Variants in MSH5 observed in about 807,000 individuals in gnomAD.
The protein encoded by MSH5 is mutS homolog 5.
A neutral mutation model predicts 107.7 loss-of-function variants in MSH5; 78 were observed. The observed-to-expected ratio is 0.72, with a 90% CI of 0.60 to 0.87. MSH5 has a LOEUF of 0.87. Ranked by LOEUF, MSH5 falls within the 40% of genes least tolerant of loss-of-function variation. The pLI, the probability that MSH5 is intolerant of heterozygous loss-of-function variation, is 0.00. For missense variants in MSH5, 889 were observed against 1,046.6 expected, an observed-to-expected ratio of 0.85 and a Z score of 2.08; for synonymous variants, 326 against 399.5, an observed-to-expected ratio of 0.82 and a Z score of 2.19.
Position 31,740,166 on chromosome 6 carries a change from CAT to C in MSH5, c.-14+106_-14+107del. On this transcript the variant is annotated intron_variant, in intron 1 of 24. Coordinates refer to ENST00000375750, the MANE Select transcript of MSH5 (RefSeq NM_172166.4). The surrounding 1 kb of genome is among the most constrained non-coding windows in gnomAD (Gnocchi z 4.4). The stretch of plus-strand genomic sequence containing the variant: ...GGCGCGTGGTTGGCAGAGGCAGAGA[CAT>C]AAGACGTGCACGACTCGCCCCACAG... 3.2e-6 allele frequency: 1 copy of C among 316,850 alleles called. No individual in the cohort carries two copies. Among genetic ancestry groups the C allele is most frequent in the African/African-American group, 2.1e-5 (1 of 46,562 alleles). 19.6% of individuals were successfully genotyped at this position (316,850 alleles called of 1,614,324 possible). A position where few individuals can be genotyped will look rare whatever the true frequency, so the allele number is the denominator to read the frequency against.
Position 31,758,245 on chromosome 6 carries a change from A to G in MSH5, c.1095A>G (p.Gln365=). 6.2e-7 allele frequency: 1 copy of G among 1,613,090 alleles called. No individual in the cohort carries two copies. The highest frequency in any genetic ancestry group is 1.1e-5 in the South Asian group (1 of 91,088). ...QSIQLFRDIA[Q]EFSDDLHHIA... is the part of the protein sequence containing the mutation. Reference sequence around the variant, plus strand: ...TCCAGCTCTTTCGGGACATTGCCCAAGAGTTCTCTGATGACCTGCACCATA... The same window carrying G: ...TCCAGCTCTTTCGGGACATTGCCCAGGAGTTCTCTGATGACCTGCACCATA... The change falls in exon 13 of 25, where the codon CAA becomes CAG. Residue 365 remains glutamine, a synonymous_variant. Coordinates refer to ENST00000375750, the MANE Select transcript of MSH5 (RefSeq NM_172166.4). The surrounding 1 kb of genome is among the most constrained non-coding windows in gnomAD (Gnocchi z 5.1).
rs1207984001 is a variant in MSH5 at position 31,740,692 on chromosome 6, G to A, written c.147+79G>A. 61 of 1,402,422 alleles carry A rather than the reference G, an allele frequency of 4.3e-5. No individual in the cohort carries two copies. The highest frequency in any genetic ancestry group is 5.5e-5 in the Non-Finnish European group (59 of 1,070,924). 86.9% of individuals were successfully genotyped at this position (1,402,422 alleles called of 1,614,324 possible). On this transcript the variant is annotated intron_variant, in intron 2 of 24. Coordinates refer to ENST00000375750, the MANE Select transcript of MSH5 (RefSeq NM_172166.4). This position sits in a 1 kb window ranked among gnomAD's most constrained non-coding sequence, Gnocchi z 4.4. ...AAGAGGGTTGGGAGCCGGGCGCGGTGGCTCACACCTGTAATCTTAGCACTT... is the reference window on the plus strand; with the variant it reads ...AAGAGGGTTGGGAGCCGGGCGCGGTAGCTCACACCTGTAATCTTAGCACTT...
In MSH5 at chr6:31,741,840, T is replaced by G. The variant is rs141771977; in HGVS notation, c.271+554T>G. ...GCTCAAAATTGGGCATCTTCACTGG[T>G]GAGAGCCTCAGACTGCTTCAACTCA... On this transcript the variant is annotated intron_variant, in intron 3 of 24. Coordinates refer to ENST00000375750, the MANE Select transcript of MSH5 (RefSeq NM_172166.4). Among the ~76,000 whole-genome samples the G allele has an allele frequency of 1.6e-3, 243 of 151,742 alleles. 1 individual carries two copies. Among genetic ancestry groups the G allele is most frequent in the African/African-American group, 5.5e-3 (229 of 41,314 alleles).
In MSH5 at chr6:31,758,688, T is replaced by C. The variant is rs1810675072; in HGVS notation, c.1216+68T>C. The C allele has an allele frequency of 1.9e-6, 3 of 1,609,848 alleles. No homozygotes were observed. The highest frequency in any genetic ancestry group is 2.6e-6 in the Non-Finnish European group (3 of 1,176,356). On this transcript the variant is annotated intron_variant, in intron 14 of 24. Transcript: ENST00000375750. The surrounding 1 kb of genome is among the most constrained non-coding windows in gnomAD (Gnocchi z 5.1). ...ATGGAGTACCATCCTTGGCAGGTGG[T>C]CACCACAGCTGGGGATCTTCATAGC...
At position 31,759,824 on chromosome 6, in the gene MSH5, G is replaced by C. The variant is rs776904194; in HGVS notation, c.1534G>C (p.Val512Leu). The part of the protein sequence containing the change: ...TLLMYQLQCQ[V>L]LARAAVLTRV... ...GCTGATGTACCAGCTACAGTGCCAG[G>C]TGCTGGCACGAGCAGCTGTCTTAAC... Residue 512 changes from valine (V) to leucine (L), a missense_variant, in exon 18 of 25, where the codon GTG (valine) becomes CTG (leucine). Val to Leu is a conservative substitution (Grantham distance 32). Coordinates refer to ENST00000375750, the MANE Select transcript of MSH5 (RefSeq NM_172166.4). The surrounding 1 kb of genome is among the most constrained non-coding windows in gnomAD (Gnocchi z 4.7). 5 of 1,613,790 alleles carry C rather than the reference G, an allele frequency of 3.1e-6. No individual in the cohort carries two copies. In the East Asian group the frequency reaches 1.1e-4, roughly 36 times the overall value.
chr6:31,740,574 CGAGGAGGAGGAAGTCGAG>C lies in MSH5; in HGVS notation c.120_137del (p.Val41_Glu46del). The C allele has an allele frequency of 1.3e-6, 2 of 1,512,992 alleles. No individual in the cohort carries two copies. Among genetic ancestry groups the C allele is most frequent in the Non-Finnish European group, 1.8e-6 (2 of 1,133,600 alleles). The allele number at this position is 1,512,992 out of a possible 1,614,324, so 93.7% of individuals were successfully genotyped here. A position where few individuals can be genotyped will look rare whatever the true frequency, so the allele number is the denominator to read the frequency against. ...CCCCAGTGCCGGGCCCCAGGGAGGC[CGAGGAGGAGGAAGTCGAG>C]GAGGAGGAGGAGCTGGCCGAGGTCT... is the stretch of plus-strand genomic sequence containing the variant. On this transcript the variant is annotated inframe_deletion, in exon 2 of 25. Transcript: ENST00000375750. The surrounding 1 kb of genome is among the most constrained non-coding windows in gnomAD (Gnocchi z 4.4).
At position 31,759,575 on chromosome 6, in the gene MSH5, A is replaced by G; in HGVS notation, c.1495+63A>G. ...TTTAAAAAAAGCAGCAGCCAGGGGAAGGAGGGGAGTGGGCAACTTGGGGAT... is the reference window on the plus strand; with the variant it reads ...TTTAAAAAAAGCAGCAGCCAGGGGAGGGAGGGGAGTGGGCAACTTGGGGAT... On this transcript the variant is annotated intron_variant, in intron 17 of 24. Coordinates refer to ENST00000375750, the MANE Select transcript of MSH5 (RefSeq NM_172166.4). This position sits in a 1 kb window ranked among gnomAD's most constrained non-coding sequence, Gnocchi z 4.7. 6.3e-7 allele frequency: 1 copy of G among 1,580,100 alleles called. No individual in the cohort carries two copies. Among genetic ancestry groups the G allele is most frequent in the Non-Finnish European group, 8.7e-7 (1 of 1,155,284 alleles).
chr6:31,743,946 CCTT>C lies in MSH5; in HGVS notation c.460_462del (p.Phe154del), dbSNP rs1432192139. ...CAACGCCTCCTTTCTGGAAACTACTCCTTCATCCCAGACGCCATGACTGCCACT... is the reference window on the plus strand; with the variant it reads ...CAACGCCTCCTTTCTGGAAACTACTCCATCCCAGACGCCATGACTGCCACT... On this transcript the variant is annotated inframe_deletion, in exon 6 of 25. Transcript: ENST00000375750. 6 of 1,613,550 alleles carry C rather than the reference CCTT, an allele frequency of 3.7e-6. No homozygotes were observed. The highest frequency in any genetic ancestry group is 2.7e-5 in the African/African-American group (2 of 74,924).
chr6:31,747,526 C>A, intron 10 of MSH5, 94 bp downstream of exon 10: 2 of 1,279,242 alleles, frequency 1.6e-6, no homozygotes, highest in African/African-American at 1.5e-5. Flanking sequence ...CAGATTCTCA[C>A]ATACACCACC....
At chr6:31,753,806 G>A in intron 12 of MSH5, 177 bp downstream of exon 12, 1 of 594,586 alleles carries the variant, frequency 1.7e-6, no homozygotes, top group South Asian at 2.1e-5. Context: ...TTGGCTCACT[G>A]CAACCTCCGC....
At position 31,753,461 on chromosome 6, in the gene MSH5, G is replaced by A. The variant is rs376615548; in HGVS notation, c.951+22G>A. 2.5e-6 allele frequency: 4 copies of A among 1,612,378 alleles called. No individual in the cohort carries two copies. In the African/African-American group the frequency reaches 5.3e-5, roughly 22 times the overall value. On this transcript the variant is annotated intron_variant, in intron 11 of 24. Coordinates refer to ENST00000375750, the MANE Select transcript of MSH5 (RefSeq NM_172166.4). ...GCCTGTGAGCCCAGGGTGGAGGGCA[G>A]GGAGGTGGGGAAGGAGGTTGAGGGC...
In MSH5 at chr6:31,758,946, C is replaced by T; in HGVS notation, c.1326+71C>T. 6.8e-7 allele frequency: 1 copy of T among 1,466,450 alleles called. No homozygotes were observed. The highest frequency in any genetic ancestry group is 1.4e-5 in the African/African-American group (1 of 71,710). The allele number at this position is 1,466,450 out of a possible 1,614,324, so 90.8% of individuals were successfully genotyped here. ...AGATATTAGGCTTATGAAAGACATACTGGTAGATAAGAAAACTTGTGGGGC... is the reference window on the plus strand; with the variant it reads ...AGATATTAGGCTTATGAAAGACATATTGGTAGATAAGAAAACTTGTGGGGC... On this transcript the variant is annotated intron_variant, in intron 15 of 24. Transcript: ENST00000375750. The surrounding 1 kb of genome is among the most constrained non-coding windows in gnomAD (Gnocchi z 5.1).
In MSH5 at chr6:31,753,391, C is replaced by T. The variant is rs891695323; in HGVS notation, c.903C>T (p.Asp301=). 7.4e-6 allele frequency: 12 copies of T among 1,614,172 alleles called. No homozygotes were observed. Among genetic ancestry groups the T allele is most frequent in the Non-Finnish European group, 9.3e-6 (11 of 1,180,036 alleles). ...IQFFLLPQNL[D]MAQMLHRLLG... ...TTTTTCTGCTGCCCCAGAATCTGGA[C>T]ATGGCTCAGATGCTGCATCGGCTCC... The change falls in exon 11 of 25, where the codon GAC becomes GAT. Residue 301 remains aspartate (D), a synonymous_variant. Transcript: ENST00000375750.
At position 31,742,901 on chromosome 6, in the gene MSH5, C is replaced by A. The variant is rs1003771751; in HGVS notation, c.296C>A (p.Ser99Tyr). The change falls in exon 4 of 25, where the codon TCT becomes TAT. Residue 99 changes from serine (S) to tyrosine (Y), a missense_variant. Transcript: ENST00000375750. ...QRVLDEINPQ[S>Y]VVTSAKQDEN... ...GTTCTGGATGAGATCAATCCCCAGTCTGTTGTTACGAGTGCCAAACAGGAT... is the reference window on the plus strand; with the variant it reads ...GTTCTGGATGAGATCAATCCCCAGTATGTTGTTACGAGTGCCAAACAGGAT... 1.4e-5 allele frequency: 22 copies of A among 1,612,914 alleles called. No individual in the cohort carries two copies. The highest frequency in any genetic ancestry group is 1.6e-4 in the Middle Eastern group (1 of 6,084).
rs1810871873 is a variant in MSH5, at chr6:31,760,269, C to T, written c.1812+53C>T. 4 of 1,521,254 alleles carry T rather than the reference C, an allele frequency of 2.6e-6. No individual in the cohort carries two copies. Among genetic ancestry groups the T allele is most frequent in the South Asian group, 1.3e-5 (1 of 75,944 alleles). The allele number at this position is 1,521,254 out of a possible 1,614,324, so 94.2% of individuals were successfully genotyped here. ...TCTGGCGTCTCCTGCATCTACTCCA[C>T]CCCTACTTGCCAGCCAACTCAGGCT... On this transcript the variant is annotated intron_variant, in intron 19 of 24. Coordinates refer to ENST00000375750, the MANE Select transcript of MSH5 (RefSeq NM_172166.4). The surrounding 1 kb of genome is among the most constrained non-coding windows in gnomAD (Gnocchi z 5.6).
rs1020457690 is a variant in MSH5 at position 31,762,316 on chromosome 6, A to G, written c.2394-104A>G. The G allele has an allele frequency of 1.2e-5, 17 of 1,367,870 alleles. No individual in the cohort carries two copies. The African/African-American group carries it at 2.4e-4, about 20-fold the overall frequency. 84.7% of individuals were successfully genotyped at this position (1,367,870 alleles called of 1,614,324 possible). On this transcript the variant is annotated intron_variant, in intron 24 of 24. Coordinates refer to ENST00000375750, the MANE Select transcript of MSH5 (RefSeq NM_172166.4). ...CCCACCATTTCTTTCTGAAATCCCT[A>G]AATCTTCAAGATCCCAGGTTTTCTG...
chr6:31,760,630 C>G lies in MSH5; in HGVS notation c.1813-60C>G. ...TTTGATGTGCCATTCATGCCTTGAGCCTCACTTTCACCTCAGCCCACGGCA... is the reference window on the plus strand; with the variant it reads ...TTTGATGTGCCATTCATGCCTTGAGGCTCACTTTCACCTCAGCCCACGGCA... On this transcript the variant is annotated intron_variant, in intron 19 of 24. Transcript: ENST00000375750. The surrounding 1 kb of genome is among the most constrained non-coding windows in gnomAD (Gnocchi z 5.6). 1 of 1,607,160 alleles carries G rather than the reference C, an allele frequency of 6.2e-7. No individual in the cohort carries two copies. Among genetic ancestry groups the G allele is most frequent in the Non-Finnish European group, 8.5e-7 (1 of 1,176,036 alleles).
At position 31,758,429 on chromosome 6, in the gene MSH5, A is replaced by G. The variant is rs2151375316; in HGVS notation, c.1144-119A>G. 4.5e-6 allele frequency: 7 copies of G among 1,550,226 alleles called. No homozygotes were observed. The highest frequency in any genetic ancestry group is 1.4e-5 in the African/African-American group (1 of 73,726). ...TGGTGGGAGGAGGCAGCAGAACTTC[A>G]GGGAAGTATCTGGAGGGTGAGAGTT... On this transcript the variant is annotated intron_variant, in intron 13 of 24. Coordinates refer to ENST00000375750, the MANE Select transcript of MSH5 (RefSeq NM_172166.4). This position sits in a 1 kb window ranked among gnomAD's most constrained non-coding sequence, Gnocchi z 5.1.
chr6:31,740,741 A>C lies in MSH5; in HGVS notation c.147+128A>C. On this transcript the variant is annotated intron_variant, in intron 2 of 24. Coordinates refer to ENST00000375750, the MANE Select transcript of MSH5 (RefSeq NM_172166.4). This position sits in a 1 kb window ranked among gnomAD's most constrained non-coding sequence, Gnocchi z 4.4. The stretch of plus-strand genomic sequence containing the variant: ...TTTGGGAGACTGAGGCGGGCGGATC[A>C]CCTGAGCTCAGGAGTTGGAGACCAG... The C allele has an allele frequency of 9.2e-7, 1 of 1,092,288 alleles. No individual in the cohort carries two copies. The highest frequency in any genetic ancestry group is 1.2e-6 in the Non-Finnish European group (1 of 812,344). The allele number at this position is 1,092,288 out of a possible 1,614,324, so 67.7% of individuals were successfully genotyped here. A position where few individuals can be genotyped will look rare whatever the true frequency, so the allele number is the denominator to read the frequency against.
Sources: allele counts gnomAD v4.1 joint callset (sites outside exome capture counted in the v4.1 genomes callset), GRCh38; gene constraint gnomAD v4.1.1; non-coding constraint Gnocchi (gnomAD v3.1); transcripts MANE v1.5; gene names NCBI Gene and HGNC (gene_info 2026-07-23, HGNC 2026-07-21).